The following NOVA1 variants were observed in gnomAD, a reference collection of about 807,000 sequenced individuals.
The protein encoded by NOVA1 is RNA-binding protein Nova-1.
A neutral mutation model predicts 38.0 loss-of-function variants in NOVA1; 7 were observed. The ratio of observed to expected loss-of-function variants is 0.18; its 90% CI spans 0.10 to 0.35. The LOEUF is 0.35. NOVA1 is among the 10% of genes least tolerant of loss of function. The probability of loss-of-function intolerance (pLI) is 1.00; values close to 1 mark genes in which losing one functional copy is unlikely to be tolerated. For synonymous variants in NOVA1, 270 were observed against 232.5 expected, an observed-to-expected ratio of 1.16 and a Z score of -1.47; for missense variants, 460 against 616.0, an observed-to-expected ratio of 0.75 and a Z score of 2.68.
intron 3 of NOVA1, chr14:26,479,193 T>C (rs1221532118): frequency 6.6e-6 from 1 of 152,020 alleles, no homozygotes; most frequent in Non-Finnish European, 1.5e-5. Context: ...ATTAAGACGC[T>C]AATTATAAAA....
Position 26,447,703 on chromosome 14 carries a change from T to G in NOVA1, c.*256A>C, listed in dbSNP as rs1458085329. 1 of 500,558 alleles carries G rather than the reference T, an allele frequency of 2.0e-6. No homozygotes were observed. Among genetic ancestry groups the G allele is most frequent in the Non-Finnish European group, 3.5e-6 (1 of 281,922 alleles). The allele number at this position is 500,558 out of a possible 1,614,324, so 31.0% of individuals were successfully genotyped here. On this transcript the variant is annotated 3_prime_UTR_variant, in exon 5 of 5. Coordinates refer to ENST00000539517, the MANE Select transcript of NOVA1 (RefSeq NM_002515.3). ...ATGCTGGTAAAATGGCAGGCTTAAATCTTACACTAGAAACACCTCTGACAA... is the reference window on the plus strand; with the variant it reads ...ATGCTGGTAAAATGGCAGGCTTAAAGCTTACACTAGAAACACCTCTGACAA...
intron 2 of NOVA1, among the ~76,000 whole-genome samples, chr14:26,552,237 A>G (rs1411520785): frequency 6.6e-6 from 1 of 152,104 alleles, no homozygotes; most frequent in African/African-American, 2.4e-5. Context: ...TACTGCAATG[A>G]AAAGGATGTG....
intron 4 of NOVA1, among the ~76,000 whole-genome samples, chr14:26,453,193 TATGTATGTATG>T (rs1566431763): frequency 3.2e-4 from 26 of 80,368 alleles, no homozygotes; most frequent in Middle Eastern, 7.0e-3. Flanking sequence ...TGTATGTATG[TATGTATGTATG>T]TATGTATTTA....
At chr14:26,479,768 T>C in intron 3 of NOVA1, 1 of 468,264 alleles carries the variant, frequency 2.1e-6, no homozygotes, top group Non-Finnish European at 3.7e-6. Flanking sequence ...AATGTAACAC[T>C]AATAAATGAA....
Position 26,443,200 on chromosome 14 carries a change from TG to T in NOVA1, c.*4758del, listed in dbSNP as rs1426523780. On this transcript the variant is annotated 3_prime_UTR_variant, in exon 5 of 5. Coordinates refer to ENST00000539517, the MANE Select transcript of NOVA1 (RefSeq NM_002515.3). ...AGCTTAAAACGTGTTCCACAGTTTT[TG>T]CTTGTTTATATATCTATGGTAACCC... 2.1e-4 allele frequency: 32 copies of T among 152,096 alleles called. No individual in the cohort carries two copies. Among genetic ancestry groups the T allele is most frequent in the Non-Finnish European group, 4.4e-4 (30 of 67,940 alleles). 9.4% of individuals were successfully genotyped at this position (152,096 alleles called of 1,614,324 possible).
chr14:26,592,349 G>A (rs1183719686), intron 2 of NOVA1, among the ~76,000 whole-genome samples: 1 of 150,104 alleles, frequency 6.7e-6, no homozygotes, highest in East Asian at 2.0e-4. Context: ...CTATAACCTA[G>A]TTATAAAAAG....
chr14:26,525,644 A>G (rs1465110944), intron 2 of NOVA1, among the ~76,000 whole-genome samples: 2 of 152,034 alleles, frequency 1.3e-5, no homozygotes, highest in Non-Finnish European at 2.9e-5. Flanking sequence ...CATTTTAGTA[A>G]TTTCTTGTAT....
intron 2 of NOVA1, among the ~76,000 whole-genome samples, chr14:26,549,017 A>C (rs1291306288): frequency 6.6e-6 from 1 of 152,072 alleles, no homozygotes; most frequent in African/African-American, 2.4e-5. Flanking sequence ...GCTTCCAGCT[A>C]CTTTGATAGC....
intron 4 of NOVA1, among the ~76,000 whole-genome samples, chr14:26,462,914 A>G (rs138731203): frequency 2.0e-5 from 3 of 152,326 alleles, no homozygotes; most frequent in African/African-American, 7.2e-5. Flanking sequence ...TATTTTAAAA[A>G]CAAAGTAGAG....
At chr14:26,592,408 A>G (rs1229128360) in intron 2 of NOVA1, among the ~76,000 whole-genome samples, 1 of 151,462 alleles carries the variant, frequency 6.6e-6, no homozygotes, top group Non-Finnish European at 1.5e-5. Flanking sequence ...AAGAAAAAAA[A>G]AAAGGTATAT....
chr14:26,503,851 T>G (rs1294339298), intron 2 of NOVA1, among the ~76,000 whole-genome samples: 1 of 152,036 alleles, frequency 6.6e-6, no homozygotes, highest in African/African-American at 2.4e-5. Flanking sequence ...ATGAATGAAA[T>G]GAAAAAATTT....
chr14:26,525,863 G>C (rs1478161350), intron 2 of NOVA1, among the ~76,000 whole-genome samples: 1 of 151,900 alleles, frequency 6.6e-6, no homozygotes, highest in African/African-American at 2.4e-5. Flanking sequence ...TATTTGTCTT[G>C]AGGGGCGTCA....
chr14:26,597,326 G>A lies in NOVA1; in HGVS notation c.111C>T (p.Gly37=). The A allele has an allele frequency of 8.0e-7, 1 of 1,256,764 alleles. No homozygotes were observed. The highest frequency in any genetic ancestry group is 1.0e-6 in the Non-Finnish European group (1 of 992,706). 77.9% of individuals were successfully genotyped at this position (1,256,764 alleles called of 1,614,324 possible). Residue 37 remains glycine (G), a synonymous_variant, in exon 1 of 5, where the codon GGC becomes GGT. Transcript: ENST00000539517. The part of the protein sequence containing the change: ...KRPLEAPPEA[G]STKRTNTGED... ...CGCCCGTATTGGTCCTCTTGGTGCT[G>A]CCGGCTTCAGGGGGGGCTTCCAGCG...
intron 4 of NOVA1, chr14:26,470,572 C>T: frequency 1.0e-6 from 1 of 1,001,114 alleles, no homozygotes; most frequent in Non-Finnish European, 1.5e-6. Context: ...TTACAAATGA[C>T]TTATTATTTC....
Position 26,448,093 on chromosome 14 carries a change from C to A in NOVA1, c.1390G>T (p.Val464Leu). 6.2e-7 allele frequency: 1 copy of A among 1,614,166 alleles called. No homozygotes were observed. The highest frequency in any genetic ancestry group is 8.5e-7 in the Non-Finnish European group (1 of 1,180,024). ...RIQISKKGEF[V>L]PGTRNRKVTI... Reference sequence around the variant, plus strand: ...ACCTTCCGATTCCTTGTGCCAGGTACGAATTCTCCTTTTTTGGAGATCTGT... The same window carrying A: ...ACCTTCCGATTCCTTGTGCCAGGTAAGAATTCTCCTTTTTTGGAGATCTGT... The change falls in exon 5 of 5, where the codon GTA (valine) becomes TTA (leucine). Residue 464 changes from valine (V) to leucine (L), a missense_variant. Coordinates refer to ENST00000539517, the MANE Select transcript of NOVA1 (RefSeq NM_002515.3). The surrounding 1 kb of genome is among the most constrained non-coding windows in gnomAD (Gnocchi z 5.3).
chr14:26,460,933 T>C (rs565020838), intron 4 of NOVA1, among the ~76,000 whole-genome samples: 1 of 152,292 alleles, frequency 6.6e-6, no homozygotes, highest in South Asian at 2.1e-4. Context: ...TATTGAACTG[T>C]ATACACACAC....
At chr14:26,545,768 G>T (rs78156886) in intron 2 of NOVA1, among the ~76,000 whole-genome samples, 2,638 of 152,044 alleles carry the variant, frequency 0.017, 73 homozygotes, top group African/African-American at 0.06. Context: ...CTACAAAGTG[G>T]CAGTAAGGAT....
chr14:26,585,230 G>A (rs908877925), intron 2 of NOVA1, among the ~76,000 whole-genome samples: 1 of 151,182 alleles, frequency 6.6e-6, no homozygotes, highest in Non-Finnish European at 1.5e-5. Context: ...TAAAGACTCC[G>A]AAATATCCCA....
At chr14:26,534,401 A>G (rs1170285111) in intron 2 of NOVA1, among the ~76,000 whole-genome samples, 1 of 152,178 alleles carries the variant, frequency 6.6e-6, no homozygotes. Flanking sequence ...TGAAAACAAC[A>G]GAAAATATCA....
Sources: gnomAD v4.1 joint callset for allele counts (sites outside exome capture counted in the v4.1 genomes callset) on GRCh38, gnomAD v4.1.1 for gene constraint, Gnocchi (gnomAD v3.1) non-coding constraint, MANE v1.5 for transcripts, NCBI Gene and HGNC (gene_info 2026-07-23, HGNC 2026-07-21) for gene names.